LOC400499: variants seen among roughly 807,000 people sequenced by gnomAD.
the LOC400499 span, among the ~76,000 whole-genome samples, chr16:11,401,048 TG>T: frequency 6.6e-6 from 1 of 152,196 alleles, no homozygotes; most frequent in Non-Finnish European, 1.5e-5. Context: ...AAACACCGCC[TG>T]GTATACAGTA....
the LOC400499 span, among the ~76,000 whole-genome samples, chr16:11,500,284 G>A: frequency 8.6e-5 from 13 of 152,026 alleles, no homozygotes; most frequent in Non-Finnish European, 1.8e-4. Flanking sequence ...GAGGTGGGTG[G>A]ATCACTTGAG....
chr16:11,382,655 C>T, the LOC400499 span, among the ~76,000 whole-genome samples: 152 of 152,048 alleles, frequency 1.0e-3, no homozygotes, highest in South Asian at 0.023. Flanking sequence ...CATTCAAATC[C>T]CTGATGAGGC....
chr16:11,456,021 G>GA, the LOC400499 span, among the ~76,000 whole-genome samples: 13 of 147,062 alleles, frequency 8.8e-5, no homozygotes, highest in Non-Finnish European at 1.3e-4. Flanking sequence ...TGAAAAAATG[G>GA]AAAAAAAAAT....
At chr16:11,398,865 TGGCCA>T in the LOC400499 span, among the ~76,000 whole-genome samples, 1 of 152,122 alleles carries the variant, frequency 6.6e-6, no homozygotes, top group African/African-American at 2.4e-5. Flanking sequence ...TTCGCCATGT[TGGCCA>T]GGCGATCAGG....
chr16:11,515,713 A>AG, the LOC400499 span, among the ~76,000 whole-genome samples: 1 of 56,590 alleles, frequency 1.8e-5, no homozygotes, highest in African/African-American at 4.9e-5. Flanking sequence ...AGGAGGGAGG[A>AG]GGAAGGAGGA....
At chr16:11,494,865 C>G in the LOC400499 span, 9 of 398,000 alleles carry the variant, frequency 2.3e-5, no homozygotes, top group Non-Finnish European at 4.0e-5. Context: ...TAATACAGAG[C>G]TGAGTCCCCC....
At chr16:11,376,724 GA>G in the LOC400499 span, among the ~76,000 whole-genome samples, 1 of 152,078 alleles carries the variant, frequency 6.6e-6, no homozygotes, top group Non-Finnish European at 1.5e-5. Flanking sequence ...TATAAGTGAA[GA>G]AAAAATGCCA....
the LOC400499 span, chr16:11,398,546 C>A: frequency 8.1e-7 from 1 of 1,228,956 alleles, no homozygotes; most frequent in Non-Finnish European, 1.0e-6. Flanking sequence ...GGGCTCATCA[C>A]CTAAGAGAAT....
At chr16:11,444,885 C>G in the LOC400499 span, among the ~76,000 whole-genome samples, 1 of 152,018 alleles carries the variant, frequency 6.6e-6, no homozygotes, top group Non-Finnish European at 1.5e-5. Context: ...AGCTCAAGAC[C>G]AGCCTGGGCA....
At chr16:11,500,858 G>C in the LOC400499 span, 2 of 399,208 alleles carry the variant, frequency 5.0e-6, no homozygotes, top group East Asian at 3.6e-5. Flanking sequence ...CCAGTGATGA[G>C]AGCCACGCCT....
the LOC400499 span, among the ~76,000 whole-genome samples, chr16:11,473,968 G>A: frequency 6.6e-6 from 1 of 152,124 alleles, no homozygotes; most frequent in Non-Finnish European, 1.5e-5. Context: ...CGGACTTCCT[G>A]TCAGCCTTCC....
chr16:11,389,595 G>A, the LOC400499 span, among the ~76,000 whole-genome samples: 1 of 131,114 alleles, frequency 7.6e-6, no homozygotes, highest in African/African-American at 2.8e-5. Context: ...TGAGGCAGGA[G>A]AATGACTTGA....
At chr16:11,461,266 A>C in the LOC400499 span, 1 of 1,000,734 alleles carries the variant, frequency 1.0e-6, no homozygotes, top group East Asian at 2.7e-5. Context: ...CCTGCACAAC[A>C]GGCCACAGAC....
At chr16:11,525,292 CAAAAAAA>C in the LOC400499 span, among the ~76,000 whole-genome samples, 10 of 125,000 alleles carry the variant, frequency 8.0e-5, no homozygotes, top group African/African-American at 2.8e-4. Context: ...GACCTTGTCC[CAAAAAAA>C]AAAAAAAAAG....
chr16:11,457,649 T>G, the LOC400499 span, among the ~76,000 whole-genome samples: 1 of 150,762 alleles, frequency 6.6e-6, no homozygotes. Context: ...AAATAACACT[T>G]CCAGGTATAC....
the LOC400499 span, among the ~76,000 whole-genome samples, chr16:11,415,338 C>G: frequency 6.6e-6 from 1 of 152,244 alleles, no homozygotes; most frequent in South Asian, 2.1e-4. Flanking sequence ...TGGGGTGCAG[C>G]TCACGGCTCA....
the LOC400499 span, among the ~76,000 whole-genome samples, chr16:11,380,354 G>A: frequency 6.6e-6 from 1 of 151,688 alleles, no homozygotes; most frequent in Admixed American, 6.6e-5. Context: ...ACACAAGGCG[G>A]GCAGATCACG....
chr16:11,386,191 A>AGAT, the LOC400499 span, among the ~76,000 whole-genome samples: 10 of 152,364 alleles, frequency 6.6e-5, no homozygotes, highest in East Asian at 1.9e-3. Context: ...GGTAGGGAAC[A>AGAT]GATGGCCTGA....
the LOC400499 span, chr16:11,389,984 GA>G: frequency 1.8e-6 from 1 of 550,940 alleles, no homozygotes; most frequent in African/African-American, 1.9e-5. Flanking sequence ...AACGAGGAGA[GA>G]AGAAGCCCCT....
Sources: gnomAD v4.1 joint callset for allele counts (sites outside exome capture counted in the v4.1 genomes callset) on GRCh38, gnomAD v4.1.1 for gene constraint, MANE v1.5 for transcripts.